The following TMEFF2 variants were observed in gnomAD, a reference collection of about 807,000 sequenced individuals.
TMEFF2 encodes the protein transmembrane protein with EGF like and two follistatin like domains 2.
Under a neutral mutation model 53.8 loss-of-function variants are expected in TMEFF2, and 28 were observed. The ratio of observed to expected loss-of-function variants is 0.52; its 90% CI spans 0.39 to 0.71. TMEFF2 has a LOEUF of 0.71. Among genes scored for constraint, TMEFF2 ranks in the 30% least tolerant of loss-of-function variants. TMEFF2 has a pLI of 0.00. For synonymous variants in TMEFF2, 162 were observed against 166.3 expected (o/e 0.97, Z 0.20); for missense variants, 353 against 455.2 (o/e 0.78, Z 2.04).
chr2:192,093,822 T>G (rs1412269784), intron 4 of TMEFF2, among the ~76,000 whole-genome samples: 1 of 146,344 alleles, frequency 6.8e-6, no homozygotes, highest in Non-Finnish European at 1.5e-5. Flanking sequence ...ATATATTTCT[T>G]AAAAAAAAAA....
chr2:192,063,300 A>C (rs566544493), intron 4 of TMEFF2, among the ~76,000 whole-genome samples: 85 of 152,016 alleles, frequency 5.6e-4, no homozygotes, highest in Non-Finnish European at 8.7e-4. Flanking sequence ...TCTTAGACTC[A>C]TGAATTATTT....
At chr2:192,038,350 A>AC (rs1189666953) in intron 5 of TMEFF2, among the ~76,000 whole-genome samples, 2 of 152,200 alleles carry the variant, frequency 1.3e-5, no homozygotes, top group African/African-American at 4.8e-5. Context: ...CATAACTTGT[A>AC]CTGCTCTTTT....
At chr2:191,969,640 G>A (rs1692577583) in intron 7 of TMEFF2, among the ~76,000 whole-genome samples, 1 of 152,134 alleles carries the variant, frequency 6.6e-6, no homozygotes. Flanking sequence ...CCTGAATGAT[G>A]TCATGGCCCA....
intron 4 of TMEFF2, among the ~76,000 whole-genome samples, chr2:192,129,881 C>A (rs572367679): frequency 6.6e-6 from 1 of 152,292 alleles, no homozygotes; most frequent in East Asian, 1.9e-4. Flanking sequence ...GTATTTCTTA[C>A]CGCAGTTTTT....
chr2:192,151,119 T>A (rs910782110), intron 4 of TMEFF2, among the ~76,000 whole-genome samples: 5 of 151,758 alleles, frequency 3.3e-5, no homozygotes, highest in Admixed American at 6.6e-5. Flanking sequence ...TCTTGCTCAC[T>A]CTCTCTCATC....
chr2:192,024,628 T>C (rs953008845), intron 5 of TMEFF2, among the ~76,000 whole-genome samples: 23 of 152,328 alleles, frequency 1.5e-4, no homozygotes, highest in South Asian at 4.1e-4. Flanking sequence ...GGAGTACATA[T>C]ATGGTTGGTG....
intron 7 of TMEFF2, among the ~76,000 whole-genome samples, chr2:191,977,400 G>T (rs747030461): frequency 1.1e-4 from 16 of 152,224 alleles, no homozygotes; most frequent in African/African-American, 3.6e-4. Flanking sequence ...GCCTCTGAGC[G>T]TGTGTCATTG....
intron 4 of TMEFF2, among the ~76,000 whole-genome samples, chr2:192,092,064 G>A (rs1044851691): frequency 2.0e-5 from 3 of 152,014 alleles, no homozygotes; most frequent in African/African-American, 7.2e-5. Context: ...TTAACTAACA[G>A]CTCTTTCCCT....
At position 192,189,934 on chromosome 2, in the gene TMEFF2, A is replaced by G. The variant is rs111990202; in HGVS notation, c.282+1946T>C. ...AATAGCAGTAGTAGTACACTAGTAC[A>G]TTTAAAATGCCACAAGGATTACAAA... On this transcript the variant is annotated intron_variant, in intron 2 of 9. Coordinates refer to ENST00000272771, the MANE Select transcript of TMEFF2 (RefSeq NM_016192.4). 7.6e-3 allele frequency among the ~76,000 whole-genome samples: 1,162 copies of G among 152,322 alleles called. 17 individuals are homozygous for G. The highest frequency in any genetic ancestry group is 0.026 in the African/African-American group (1,085 of 41,570).
At chr2:192,183,186 T>C (rs1691228285) in intron 3 of TMEFF2, among the ~76,000 whole-genome samples, 1 of 152,020 alleles carries the variant, frequency 6.6e-6, no homozygotes, top group Non-Finnish European at 1.5e-5. Context: ...CAAAACATCA[T>C]TGGCCATGAG....
intron 7 of TMEFF2, among the ~76,000 whole-genome samples, chr2:191,957,777 G>A (rs777906467): frequency 7.2e-5 from 11 of 152,184 alleles, no homozygotes; most frequent in Non-Finnish European, 1.2e-4. Context: ...GCCTGTAGAT[G>A]ACATTTAAAT....
chr2:191,969,153 G>GTGTGTGTGTATA (rs1553508565), intron 7 of TMEFF2, among the ~76,000 whole-genome samples: 1 of 150,902 alleles, frequency 6.6e-6, no homozygotes, highest in African/African-American at 2.4e-5. Context: ...GTGTGTGTGT[G>GTGTGTGTGTATA]TATATATATA....
chr2:192,150,790 CTCT>C (rs1380571563), intron 4 of TMEFF2, among the ~76,000 whole-genome samples: 6 of 150,980 alleles, frequency 4.0e-5, no homozygotes, highest in Non-Finnish European at 7.4e-5. Context: ...TCCTCCCAGC[CTCT>C]TCTTTGTCTT....
rs145444623 is a variant in TMEFF2, at chr2:192,128,597, G to A, written c.439+51071C>T. On this transcript the variant is annotated intron_variant, in intron 4 of 9. Coordinates refer to ENST00000272771, the MANE Select transcript of TMEFF2 (RefSeq NM_016192.4). ...ACAAACAGTATCTATTTTAATTCTT[G>A]TGCAACTCACTTTTAATAGGAAGAA... is the stretch of plus-strand genomic sequence containing the variant. Among the ~76,000 whole-genome samples, 160 of 152,214 alleles carry A rather than the reference G, an allele frequency of 1.1e-3. 1 individual carries two copies. Among genetic ancestry groups the A allele is most frequent in the African/African-American group, 3.7e-3 (154 of 41,548 alleles).
intron 7 of TMEFF2, among the ~76,000 whole-genome samples, chr2:191,962,415 A>G (rs1313007361): frequency 6.6e-6 from 1 of 152,238 alleles, no homozygotes; most frequent in Admixed American, 6.5e-5. Context: ...ACTAATTTCC[A>G]TGTTACTGGA....
intron 4 of TMEFF2, among the ~76,000 whole-genome samples, chr2:192,128,829 T>G (rs1271120534): frequency 6.6e-6 from 1 of 152,186 alleles, no homozygotes; most frequent in Non-Finnish European, 1.5e-5. Context: ...AGCAGTTTCT[T>G]CAAAGGAGGC....
chr2:192,030,759 T>C (rs1687112499), intron 5 of TMEFF2: 1 of 152,030 alleles, frequency 6.6e-6, no homozygotes, highest in African/African-American at 2.4e-5. Context: ...AAGAATACAG[T>C]AAATGTGAAA....
At chr2:192,161,820 C>T (rs1262580751) in intron 4 of TMEFF2, among the ~76,000 whole-genome samples, 1 of 151,976 alleles carries the variant, frequency 6.6e-6, no homozygotes, top group Non-Finnish European at 1.5e-5. Context: ...AAATGGTGTT[C>T]GATAAAGCAT....
In TMEFF2 at chr2:192,157,013, G is replaced by A. The variant is rs1426636182; in HGVS notation, c.439+22655C>T. On this transcript the variant is annotated intron_variant, in intron 4 of 9. Transcript: ENST00000272771. ...AATTTGAGGATTAATGGACCAAGAT[G>A]CAGTTTGTATAGGATGGTGTAGATA... 4.6e-5 allele frequency among the ~76,000 whole-genome samples: 7 copies of A among 151,982 alleles called. No individual in the cohort carries two copies. The East Asian group carries it at 1.4e-3, about 29-fold the overall frequency.
Sources: allele counts gnomAD v4.1 joint callset (sites outside exome capture counted in the v4.1 genomes callset), GRCh38; gene constraint gnomAD v4.1.1; transcripts MANE v1.5; gene names NCBI Gene and HGNC (gene_info 2026-07-23, HGNC 2026-07-21).